CADM2: variants seen among roughly 807,000 people sequenced by gnomAD.
The protein encoded by CADM2 is cell adhesion molecule 2.
Under a neutral mutation model 49.8 loss-of-function variants are expected in CADM2, and 12 were observed. The observed-to-expected ratio is 0.24, with a 90% CI of 0.15 to 0.39. The LOEUF is 0.39. Among genes scored for constraint, CADM2 ranks in the 10% least tolerant of loss-of-function variants. CADM2 has a pLI of 1.00. For missense variants in CADM2, 378 were observed against 492.3 expected, an observed-to-expected ratio of 0.77 and a Z score of 2.20; for synonymous variants, 214 against 175.4, an observed-to-expected ratio of 1.22 and a Z score of -1.74.
At chr3:86,024,524 AAATT>A in intron 8 of CADM2, among the ~76,000 whole-genome samples, 1 of 152,332 alleles carries the variant, frequency 6.6e-6, no homozygotes, top group East Asian at 1.9e-4. Flanking sequence ...AGGTCTGCTC[AAATT>A]AGTATGTTGT....
intron 8 of CADM2, chr3:85,979,123 G>A: frequency 1.9e-6 from 3 of 1,592,734 alleles, no homozygotes; most frequent in South Asian, 2.2e-5. Flanking sequence ...TCTTTTGTTT[G>A]CATGATATGA....
At chr3:85,066,678 C>T (rs905774568) in intron 1 of CADM2, among the ~76,000 whole-genome samples, 17 of 152,174 alleles carry the variant, frequency 1.1e-4, no homozygotes, top group Non-Finnish European at 1.2e-4. Flanking sequence ...TCTTTCACCT[C>T]ACACTACCAC....
chr3:85,962,431 ATAATT>A (rs1190855041), intron 8 of CADM2, among the ~76,000 whole-genome samples: 1 of 152,004 alleles, frequency 6.6e-6, no homozygotes, highest in Non-Finnish European at 1.5e-5. Flanking sequence ...TCACTGAACA[ATAATT>A]TAAAGTTCCT....
intron 3 of CADM2, among the ~76,000 whole-genome samples, chr3:85,834,684 A>G (rs2074327818): frequency 1.3e-5 from 2 of 151,560 alleles, no homozygotes; most frequent in Admixed American, 6.6e-5. Context: ...ATGGAGAACA[A>G]CATTTCCAAT....
At chr3:85,775,768 G>A (rs946734347) in intron 2 of CADM2, among the ~76,000 whole-genome samples, 2 of 151,766 alleles carry the variant, frequency 1.3e-5, no homozygotes, top group Middle Eastern at 3.2e-3. Flanking sequence ...TATGAAAAAG[G>A]AATTATACTC....
intron 8 of CADM2, among the ~76,000 whole-genome samples, chr3:85,991,671 G>T (rs1417383184): frequency 1.3e-5 from 2 of 152,004 alleles, no homozygotes; most frequent in Non-Finnish European, 2.9e-5. Context: ...ATCAAAATAA[G>T]TAAGGACTAC....
intron 1 of CADM2, among the ~76,000 whole-genome samples, chr3:85,648,528 G>A (rs187298710): frequency 6.6e-6 from 1 of 152,016 alleles, no homozygotes; most frequent in African/African-American, 2.4e-5. Flanking sequence ...TAAAACTATG[G>A]CATCTTTAAC....
At chr3:85,489,726 T>C (rs2039584846) in intron 1 of CADM2, among the ~76,000 whole-genome samples, 1 of 147,274 alleles carries the variant, frequency 6.8e-6, no homozygotes. Flanking sequence ...TAAAGTGTCC[T>C]TCTAAAAATT....
At chr3:85,946,887 C>G (rs753326608) in intron 7 of CADM2, among the ~76,000 whole-genome samples, 5 of 152,066 alleles carry the variant, frequency 3.3e-5, no homozygotes, top group Admixed American at 6.6e-5. Flanking sequence ...TAGGCACATG[C>G]CAGGACTTCA....
Position 86,065,673 on chromosome 3 carries a change from G to T in CADM2, c.1039G>T (p.Val347Leu). ...CATAGGAGGAATAGTGGCTGTAGTT[G>T]TATTTGTCACGCTGTGTTCTATCTT... ...ALIGGIVAVVVFVTLCSIFLL... is the reference protein window; with the variant it reads ...ALIGGIVAVVLFVTLCSIFLL... The change falls in exon 9 of 10, where the codon GTA becomes TTA. Residue 347 changes from valine (V) to leucine (L), a missense_variant. Physicochemically the swap from Val to Leu is conservative, Grantham distance 32. Transcript: ENST00000383699. 6.2e-7 allele frequency: 1 copy of T among 1,614,028 alleles called. No homozygotes were observed. Among genetic ancestry groups the T allele is most frequent in the Non-Finnish European group, 8.5e-7 (1 of 1,179,976 alleles).
Position 85,387,431 on chromosome 3 carries a change from G to T in CADM2, c.62-339091G>T, listed in dbSNP as rs182328309. On this transcript the variant is annotated intron_variant, in intron 1 of 9. Transcript: ENST00000383699. Reference sequence around the variant, plus strand: ...AATCCTATCACTATTGAACAGAGTTGCATGCCTTTTATTTAGCTAAAGTTG... The same window carrying T: ...AATCCTATCACTATTGAACAGAGTTTCATGCCTTTTATTTAGCTAAAGTTG... 2.1e-3 allele frequency among the ~76,000 whole-genome samples: 322 copies of T among 152,164 alleles called. 4 individuals are homozygous for T. Among genetic ancestry groups the T allele is most frequent in the Admixed American group, 0.02 (301 of 15,284 alleles).
At chr3:85,290,219 C>A (rs556253483) in intron 1 of CADM2, among the ~76,000 whole-genome samples, 2 of 152,178 alleles carry the variant, frequency 1.3e-5, no homozygotes, top group Non-Finnish European at 2.9e-5. Context: ...CCGAATACTG[C>A]GCTTTTCCGA....
chr3:85,344,239 G>T (rs2030295036), intron 1 of CADM2, among the ~76,000 whole-genome samples: 1 of 151,726 alleles, frequency 6.6e-6, no homozygotes, highest in Non-Finnish European at 1.5e-5. Context: ...AAATTAGCTG[G>T]GCGTGGTGGC....
chr3:85,664,989 G>T (rs1040380547), intron 1 of CADM2, among the ~76,000 whole-genome samples: 2 of 151,842 alleles, frequency 1.3e-5, no homozygotes, highest in African/African-American at 4.8e-5. Flanking sequence ...ATGAGATAAA[G>T]AATTTTTGTC....
intron 1 of CADM2, among the ~76,000 whole-genome samples, chr3:85,530,836 G>T (rs2061289945): frequency 6.7e-6 from 1 of 148,326 alleles, no homozygotes; most frequent in African/African-American, 2.5e-5. Flanking sequence ...AAAATTATGT[G>T]GTCTTCAAAA....
chr3:85,660,996 A>C (rs2065385675), intron 1 of CADM2, among the ~76,000 whole-genome samples: 1 of 152,024 alleles, frequency 6.6e-6, no homozygotes, highest in African/African-American at 2.4e-5. Context: ...TCAGAATGAA[A>C]GTTAAGGTGG....
At chr3:85,953,568 C>A (rs76623184) in intron 7 of CADM2, among the ~76,000 whole-genome samples, 2,765 of 150,866 alleles carry the variant, frequency 0.018, 82 homozygotes, top group African/African-American at 0.062. Context: ...ATTAGAATGT[C>A]CCTAATATAG....
intron 8 of CADM2, chr3:86,012,568 A>T: frequency 6.5e-7 from 1 of 1,537,384 alleles, no homozygotes; most frequent in Non-Finnish European, 8.8e-7. Context: ...AAGATGCCGA[A>T]CTTCTGCGCT....
At chr3:85,583,334 G>A (rs1299818521) in intron 1 of CADM2, among the ~76,000 whole-genome samples, 1 of 152,044 alleles carries the variant, frequency 6.6e-6, no homozygotes, top group African/African-American at 2.4e-5. Context: ...TGCCAAAGGC[G>A]AACTTCACCA....
Sources: gnomAD v4.1 joint callset for allele counts (sites outside exome capture counted in the v4.1 genomes callset) on GRCh38, gnomAD v4.1.1 for gene constraint, MANE v1.5 for transcripts, NCBI Gene and HGNC (gene_info 2026-07-23, HGNC 2026-07-21) for gene names.